Variants in NXPH1 observed in about 807,000 individuals in gnomAD.
NXPH1 encodes the protein neurexophilin-1.
NXPH1 carries 5 observed loss-of-function variants against 23.7 expected under a neutral mutation model. That is an observed-to-expected ratio of 0.21 (90% CI 0.11 to 0.44). The LOEUF (loss-of-function observed/expected upper bound fraction) is 0.44. NXPH1 is among the 20% of genes least tolerant of loss of function. The pLI, the probability that NXPH1 is intolerant of heterozygous loss-of-function variation, is 0.99. For synonymous variants in NXPH1, 144 were observed against 122.2 expected (o/e 1.18, Z -1.18); for missense variants, 324 against 321.6 (o/e 1.01, Z -0.06).
At chr7:8,590,784 A>G (rs1427032546) in intron 2 of NXPH1, among the ~76,000 whole-genome samples, 2 of 150,734 alleles carry the variant, frequency 1.3e-5, no homozygotes, top group African/African-American at 5.0e-5. Flanking sequence ...TAGGATTAGC[A>G]TATTTATTTA....
chr7:8,504,945 C>T (rs998874561), intron 2 of NXPH1, among the ~76,000 whole-genome samples: 6 of 152,008 alleles, frequency 3.9e-5, no homozygotes, highest in African/African-American at 9.7e-5. Context: ...TTTGAACCAC[C>T]TTGTCTATGG....
intron 2 of NXPH1, among the ~76,000 whole-genome samples, chr7:8,624,127 G>C (rs1362739954): frequency 2.0e-5 from 3 of 152,132 alleles, no homozygotes; most frequent in African/African-American, 7.2e-5. Context: ...GATGTGCAGT[G>C]ATAATTGGTA....
chr7:8,594,708 T>C (rs913441634), intron 2 of NXPH1, among the ~76,000 whole-genome samples: 2 of 151,982 alleles, frequency 1.3e-5, no homozygotes, highest in Non-Finnish European at 2.9e-5. Context: ...TGGCAAGTTA[T>C]ATTTCTTTGG....
At chr7:8,455,196 T>C (rs530608606) in intron 2 of NXPH1, among the ~76,000 whole-genome samples, 2 of 152,284 alleles carry the variant, frequency 1.3e-5, no homozygotes, top group Non-Finnish European at 2.9e-5. Context: ...TTCTCCTATA[T>C]ACATAAATCT....
At chr7:8,631,721 G>T (rs960283028) in intron 2 of NXPH1, among the ~76,000 whole-genome samples, 2 of 152,184 alleles carry the variant, frequency 1.3e-5, no homozygotes, top group Non-Finnish European at 2.9e-5. Context: ...TGCAGGTGCT[G>T]TGGTCAACAT....
chr7:8,474,118 C>T (rs1400225626), intron 2 of NXPH1, among the ~76,000 whole-genome samples: 1 of 152,152 alleles, frequency 6.6e-6, no homozygotes. Flanking sequence ...TTAACTTACC[C>T]TGTCAAAAGT....
chr7:8,476,394 A>G (rs1175269831), intron 2 of NXPH1, among the ~76,000 whole-genome samples: 1 of 152,050 alleles, frequency 6.6e-6, no homozygotes, highest in African/African-American at 2.4e-5. Flanking sequence ...TGTCCCCAGC[A>G]CACACATGCC....
At chr7:8,710,274 A>T (rs1779766348) in intron 2 of NXPH1, among the ~76,000 whole-genome samples, 1 of 152,138 alleles carries the variant, frequency 6.6e-6, no homozygotes, top group African/African-American at 2.4e-5. Flanking sequence ...GTTCAACCTG[A>T]TTTTCATTAA....
intron 2 of NXPH1, among the ~76,000 whole-genome samples, chr7:8,453,648 T>A (rs28619438): frequency 9.2e-5 from 14 of 152,112 alleles, no homozygotes; most frequent in African/African-American, 3.4e-4. Context: ...CAGAAGTGAG[T>A]AATTCCTCTA....
At chr7:8,717,125 C>A (rs776801118) in intron 2 of NXPH1, among the ~76,000 whole-genome samples, 7 of 152,186 alleles carry the variant, frequency 4.6e-5, no homozygotes, top group Admixed American at 2.0e-4. Flanking sequence ...CTCTTTCTTT[C>A]CCTACTTTTC....
At position 8,727,485 on chromosome 7, in the gene NXPH1, T is replaced by G. The variant is rs925177893; in HGVS notation, c.55-23523T>G. 1.3e-4 allele frequency among the ~76,000 whole-genome samples: 20 copies of G among 149,632 alleles called. 1 individual carries two copies. Among genetic ancestry groups the G allele is most frequent in the African/African-American group, 4.7e-4 (19 of 40,072 alleles). On this transcript the variant is annotated intron_variant, in intron 2 of 2. Transcript: ENST00000405863. ...TATGGTTTTAGGTCTAACGTTTAAG[T>G]CTTTAATCCATCTTGAATTGATTTT...
intron 2 of NXPH1, among the ~76,000 whole-genome samples, chr7:8,546,367 A>G (rs565078429): frequency 6.6e-6 from 1 of 151,520 alleles, no homozygotes; most frequent in Non-Finnish European, 1.5e-5. Context: ...ATTCTTTACT[A>G]GTGGTTTTTG....
At chr7:8,665,891 A>C (rs1404408887) in intron 2 of NXPH1, among the ~76,000 whole-genome samples, 1 of 141,532 alleles carries the variant, frequency 7.1e-6, no homozygotes, top group Non-Finnish European at 1.5e-5. Flanking sequence ...TTGATTTATT[A>C]GTTCTAAGAG....
At chr7:8,457,961 C>T (rs1008421332) in intron 2 of NXPH1, among the ~76,000 whole-genome samples, 2 of 152,090 alleles carry the variant, frequency 1.3e-5, no homozygotes, top group Non-Finnish European at 2.9e-5. Flanking sequence ...AGTCACATGC[C>T]AGAGGCAGGT....
At chr7:8,543,483 T>C (rs942921698) in intron 2 of NXPH1, among the ~76,000 whole-genome samples, 1 of 151,590 alleles carries the variant, frequency 6.6e-6, no homozygotes, top group Non-Finnish European at 1.5e-5. Flanking sequence ...TTATAATTAC[T>C]TGGGGGTGAT....
intron 2 of NXPH1, among the ~76,000 whole-genome samples, chr7:8,461,507 C>T (rs1052429444): frequency 7.2e-5 from 11 of 152,086 alleles, no homozygotes; most frequent in African/African-American, 2.7e-4. Context: ...TCCTCAAATC[C>T]AAATAGCTTT....
chr7:8,598,686 G>T (rs62447877), intron 2 of NXPH1, among the ~76,000 whole-genome samples: 9 of 152,182 alleles, frequency 5.9e-5, no homozygotes, highest in Non-Finnish European at 1.2e-4. Flanking sequence ...GCAGTTTACA[G>T]ATAAAATGTA....
intron 2 of NXPH1, among the ~76,000 whole-genome samples, chr7:8,459,849 C>T (rs933789437): frequency 2.6e-5 from 4 of 152,100 alleles, no homozygotes; most frequent in South Asian, 4.1e-4. Context: ...ATTTGTTGCA[C>T]GAATGAATTC....
At chr7:8,688,461 T>C (rs1034643198) in intron 2 of NXPH1, among the ~76,000 whole-genome samples, 1 of 152,208 alleles carries the variant, frequency 6.6e-6, no homozygotes, top group Admixed American at 6.5e-5. Context: ...TCTGTCCTTA[T>C]TTTGCATATC....
Sources: allele counts gnomAD v4.1 joint callset (sites outside exome capture counted in the v4.1 genomes callset), GRCh38; gene constraint gnomAD v4.1.1; transcripts MANE v1.5; gene names NCBI Gene and HGNC (gene_info 2026-07-23, HGNC 2026-07-21).